The following ABCA13 variants were observed in gnomAD, a reference collection of about 807,000 sequenced individuals.
ABCA13 encodes the protein ATP-binding cassette sub-family A member 13.
A neutral mutation model predicts 478.7 loss-of-function variants in ABCA13; 476 were observed. The observed-to-expected ratio is 0.99, with a 90% CI of 0.92 to 1.07. The LOEUF is 1.07. ABCA13 is among the 50% of genes least tolerant of loss of function. The probability of loss-of-function intolerance (pLI) is 0.00; values close to 1 mark genes in which losing one functional copy is unlikely to be tolerated. For synonymous variants in ABCA13, 2,252 were observed against 2,158.9 expected (o/e 1.04, Z -1.20); for missense variants, 6,060 against 5,910.6 (o/e 1.03, Z -0.83).
chr7:48,483,334 T>G (rs554402773), intron 47 of ABCA13, among the ~76,000 whole-genome samples, 171 bp downstream of exon 47: 5 of 152,316 alleles, frequency 3.3e-5, no homozygotes, highest in Non-Finnish European at 7.4e-5. Context: ...AAATGGCTTG[T>G]TTTTCTTTAG....
rs141342355 is a variant in ABCA13 at position 48,235,009 on chromosome 7, T to G, written c.897+858T>G. Among the ~76,000 whole-genome samples the G allele has an allele frequency of 2.7e-3, 411 of 152,342 alleles. 1 individual carries two copies. The highest frequency in any genetic ancestry group is 4.5e-3 in the Non-Finnish European group (308 of 68,022). On this transcript the variant is annotated intron_variant, in intron 8 of 61. Coordinates refer to ENST00000435803, the MANE Select transcript of ABCA13 (RefSeq NM_152701.5). Reference sequence around the variant, plus strand: ...TTTTCACATTTCAGTGCAGCTAGTTTGTGTTCAGACTGTTGCTTTCAGTAT... The same window carrying G: ...TTTTCACATTTCAGTGCAGCTAGTTGGTGTTCAGACTGTTGCTTTCAGTAT...
At chr7:48,296,440 G>A (rs1267884616) in intron 21 of ABCA13, among the ~76,000 whole-genome samples, 1 of 151,408 alleles carries the variant, frequency 6.6e-6, no homozygotes, top group Non-Finnish European at 1.5e-5. Flanking sequence ...TGTTTGAACA[G>A]CAAATATTTT....
chr7:48,423,411 A>G (rs1186777585), intron 41 of ABCA13, among the ~76,000 whole-genome samples: 2 of 152,204 alleles, frequency 1.3e-5, no homozygotes, highest in Non-Finnish European at 2.9e-5. Context: ...GCATCTAAGC[A>G]AAAAAGTACC....
intron 42 of ABCA13, among the ~76,000 whole-genome samples, chr7:48,450,197 T>C (rs1201457008): frequency 1.3e-4 from 20 of 152,234 alleles, no homozygotes. Flanking sequence ...TAAATGAACC[T>C]TTTGATCTAC....
At chr7:48,242,501 G>A (rs1385457471) in intron 10 of ABCA13, among the ~76,000 whole-genome samples, 2 of 152,020 alleles carry the variant, frequency 1.3e-5, no homozygotes, top group African/African-American at 2.4e-5. Flanking sequence ...GCAATGGCGC[G>A]ATCTTGGCTC....
chr7:48,513,006 CTCTT>C (rs1831824226), intron 51 of ABCA13, among the ~76,000 whole-genome samples: 1 of 152,172 alleles, frequency 6.6e-6, no homozygotes, highest in Non-Finnish European at 1.5e-5. Flanking sequence ...TAGAAGGTAG[CTCTT>C]TCTTCATTGG....
chr7:48,295,668 C>T (rs10280046), intron 20 of ABCA13, 32 bp from the exon 21 acceptor site: 1,084,977 of 1,611,234 alleles, frequency 0.67, 370,909 homozygotes, highest in East Asian at 0.99. Context: ...AGTATGTGTG[C>T]TTCTAACCTA....
chr7:48,358,263 AGGG>A (rs1810285903), intron 31 of ABCA13, among the ~76,000 whole-genome samples: 1 of 79,488 alleles, frequency 1.3e-5, no homozygotes, highest in African/African-American at 5.4e-5. Flanking sequence ...AGGGGAGGGG[AGGG>A]GACAATGCCT....
intron 1 of ABCA13, among the ~76,000 whole-genome samples, chr7:48,175,825 T>C (rs1794785929): frequency 6.6e-6 from 1 of 152,164 alleles, no homozygotes; most frequent in Non-Finnish European, 1.5e-5. Context: ...AATAAATCTA[T>C]CCCTATTCTC....
chr7:48,553,210 C>G (rs1785487872), intron 55 of ABCA13, among the ~76,000 whole-genome samples: 1 of 152,068 alleles, frequency 6.6e-6, no homozygotes, highest in Admixed American at 6.6e-5. Flanking sequence ...ATCTATTCAT[C>G]TGCTGATGGA....
At chr7:48,573,251 T>C (rs1409381685) in intron 55 of ABCA13, among the ~76,000 whole-genome samples, 9 of 152,148 alleles carry the variant, frequency 5.9e-5, no homozygotes, top group Non-Finnish European at 1.2e-4. Context: ...TTTTTGTTCA[T>C]TTATTAATTA....
At chr7:48,345,188 A>G (rs767417135) in intron 29 of ABCA13, among the ~76,000 whole-genome samples, 1 of 152,234 alleles carries the variant, frequency 6.6e-6, no homozygotes, top group South Asian at 2.1e-4. Context: ...CCAGTCATAT[A>G]AAAGTCTAGC....
At chr7:48,572,525 C>T (rs1016846357) in intron 55 of ABCA13, among the ~76,000 whole-genome samples, 2 of 151,880 alleles carry the variant, frequency 1.3e-5, no homozygotes, top group Non-Finnish European at 2.9e-5. Context: ...TTTCTTTATA[C>T]TCTTAGTATA....
intron 9 of ABCA13, among the ~76,000 whole-genome samples, chr7:48,240,464 G>A (rs1262259265): frequency 2.0e-5 from 3 of 152,150 alleles, no homozygotes; most frequent in East Asian, 3.9e-4. Context: ...CACCATGTCC[G>A]TGTCGTAAAA....
chr7:48,541,209 A>G (rs1446419758), intron 55 of ABCA13, among the ~76,000 whole-genome samples: 1 of 152,164 alleles, frequency 6.6e-6, no homozygotes, highest in Non-Finnish European at 1.5e-5. Context: ...TACTTAAAAT[A>G]TGAAAGGCTG....
At chr7:48,467,898 C>T (rs1174498032) in intron 44 of ABCA13, among the ~76,000 whole-genome samples, 1 of 152,126 alleles carries the variant, frequency 6.6e-6, no homozygotes, top group Non-Finnish European at 1.5e-5. Flanking sequence ...TTAATGTTCT[C>T]AGTAAGAAAG....
chr7:48,490,497 CT>C (rs1563342859), intron 48 of ABCA13, among the ~76,000 whole-genome samples: 1 of 152,164 alleles, frequency 6.6e-6, no homozygotes, highest in Non-Finnish European at 1.5e-5. Flanking sequence ...TGCTTTTCTA[CT>C]ACATCAAACT....
At chr7:48,609,562 C>G (rs1000091147) in intron 58 of ABCA13, among the ~76,000 whole-genome samples, 2 of 152,118 alleles carry the variant, frequency 1.3e-5, no homozygotes, top group African/African-American at 4.8e-5. Flanking sequence ...AAGAACCTTG[C>G]GTACTACTTT....
rs1219324237 is a variant in ABCA13, at chr7:48,335,514, C to T, written c.10092C>T (p.Gly3364=). Residue 3364 remains glycine, a synonymous_variant, in exon 28 of 62, where the codon GGC becomes GGT. Coordinates refer to ENST00000435803, the MANE Select transcript of ABCA13 (RefSeq NM_152701.5). ...MSSLFQRSGS[G]QMFNQLQEAL... is the part of the protein sequence containing the mutation. ...GCCTTTTCCAGAGAAGTGGAAGTGG[C>T]CAGATGTTCAACCAGCTGCAGGTGA... 1 of 1,613,388 alleles carries T rather than the reference C, an allele frequency of 6.2e-7. No individual in the cohort carries two copies. Among genetic ancestry groups the T allele is most frequent in the South Asian group, 1.1e-5 (1 of 90,978 alleles).
Sources: allele counts gnomAD v4.1 joint callset (sites outside exome capture counted in the v4.1 genomes callset), GRCh38; gene constraint gnomAD v4.1.1; transcripts MANE v1.5; gene names NCBI Gene and HGNC (gene_info 2026-07-23, HGNC 2026-07-21).